WWOX: variants seen among roughly 807,000 people sequenced by gnomAD.
The protein encoded by WWOX is WW domain containing oxidoreductase, also known as WW domain-containing oxidoreductase.
WWOX carries 69 observed loss-of-function variants against 46.2 expected under a neutral mutation model. The observed-to-expected ratio is 1.49, with a 90% CI of 1.23 to 1.82. The LOEUF is 1.82. Among genes scored for constraint, WWOX ranks in the 40% most tolerant of loss-of-function variants. The pLI, the probability that WWOX is intolerant of heterozygous loss-of-function variation, is 0.00. For synonymous variants in WWOX, 359 were observed against 202.6 expected, an observed-to-expected ratio of 1.77 and a Z score of -6.56; for missense variants, 919 against 542.6, an observed-to-expected ratio of 1.69 and a Z score of -6.89.
intron 8 of WWOX, chr16:79,106,111 T>G (rs112025494): frequency 4.6e-5 from 7 of 152,330 alleles, no homozygotes; most frequent in African/African-American, 1.4e-4. Flanking sequence ...GGGAATTTGT[T>G]AGAAATGGAA....
At chr16:78,807,280 A>G (rs964604335) in intron 8 of WWOX, among the ~76,000 whole-genome samples, 2 of 152,222 alleles carry the variant, frequency 1.3e-5, no homozygotes, top group African/African-American at 4.8e-5. Context: ...CAGATTAACA[A>G]CATCTCATAC....
intron 8 of WWOX, among the ~76,000 whole-genome samples, chr16:78,967,398 C>G (rs1403811698): frequency 1.3e-5 from 2 of 149,870 alleles, no homozygotes; most frequent in Non-Finnish European, 3.0e-5. Context: ...TTCCACCCAC[C>G]TCAGCCTCCT....
Position 79,134,228 on chromosome 16 carries a change from A to G in WWOX, c.1057-77380A>G, listed in dbSNP as rs538030250. Among the ~76,000 whole-genome samples, 3 of 152,270 alleles carry G rather than the reference A, an allele frequency of 2.0e-5. No homozygotes were observed. In the East Asian group the frequency reaches 5.8e-4, roughly 29 times the overall value. ...GGAAAAAGAAAGAATCCAATTTGTT[A>G]TAAATAACTGCTGAGGGCAGTACAT... On this transcript the variant is annotated intron_variant, in intron 8 of 8. Transcript: ENST00000566780.
chr16:79,018,031 C>T lies in WWOX; in HGVS notation c.1057-193577C>T, dbSNP rs189153902. Among the ~76,000 whole-genome samples the T allele has an allele frequency of 2.1e-3, 319 of 152,330 alleles. 4 individuals are homozygous for T. Among genetic ancestry groups the T allele is most frequent in the Non-Finnish European group, 7.9e-4 (54 of 68,036 alleles). ...GGCTAAAGATTTGGCTTGGAGTTTC[C>T]TGGTAGTCAAGGCAAAAAAGGGAAA... is the stretch of plus-strand genomic sequence containing the variant. On this transcript the variant is annotated intron_variant, in intron 8 of 8. Coordinates refer to ENST00000566780, the MANE Select transcript of WWOX (RefSeq NM_016373.4).
chr16:79,105,573 TA>T (rs1009127704), intron 8 of WWOX, among the ~76,000 whole-genome samples: 5 of 152,080 alleles, frequency 3.3e-5, no homozygotes. Flanking sequence ...TTTGCTTTTA[TA>T]AAAAAAGTCA....
intron 8 of WWOX, among the ~76,000 whole-genome samples, chr16:78,865,516 A>G (rs1375391578): frequency 6.6e-6 from 1 of 152,190 alleles, no homozygotes; most frequent in Admixed American, 6.5e-5. Flanking sequence ...CAAAATAGCA[A>G]TACAAATTTA....
At chr16:79,145,310 A>G (rs2050164608) in intron 8 of WWOX, among the ~76,000 whole-genome samples, 1 of 152,170 alleles carries the variant, frequency 6.6e-6, no homozygotes, top group Admixed American at 6.6e-5. Flanking sequence ...AAACAGCAAT[A>G]CTTGTAACTA....
chr16:79,135,614 T>C (rs1815264788), intron 8 of WWOX, among the ~76,000 whole-genome samples: 1 of 152,216 alleles, frequency 6.6e-6, no homozygotes, highest in South Asian at 2.1e-4. Flanking sequence ...TGTGGACCAA[T>C]GAGATGTACT....
At chr16:78,844,100 G>T (rs1463752676) in intron 8 of WWOX, among the ~76,000 whole-genome samples, 2 of 152,120 alleles carry the variant, frequency 1.3e-5, no homozygotes, top group Non-Finnish European at 2.9e-5. Flanking sequence ...AGGTGACGCT[G>T]GGTGCCTTGT....
intron 8 of WWOX, among the ~76,000 whole-genome samples, chr16:78,739,964 T>C (rs2049176813): frequency 6.6e-6 from 1 of 152,126 alleles, no homozygotes; most frequent in Non-Finnish European, 1.5e-5. Context: ...ACTTACTCTC[T>C]CTAAATTATC....
intron 5 of WWOX, among the ~76,000 whole-genome samples, chr16:78,171,544 T>G (rs964867035): frequency 2.8e-4 from 43 of 152,210 alleles, no homozygotes; most frequent in African/African-American, 9.9e-4. Flanking sequence ...TGACTTGGCT[T>G]GGAAAAGATG....
intron 3 of WWOX, 101 bp downstream of exon 3, chr16:78,109,936 T>A: frequency 8.1e-7 from 1 of 1,232,244 alleles, no homozygotes. Context: ...ATACAAAGTA[T>A]AACAGTGTGT....
intron 5 of WWOX, among the ~76,000 whole-genome samples, chr16:78,220,847 C>T (rs896837573): frequency 9.2e-5 from 14 of 152,138 alleles, no homozygotes; most frequent in African/African-American, 2.9e-4. Flanking sequence ...ATCATTTCTT[C>T]TGTTACCTGG....
intron 8 of WWOX, among the ~76,000 whole-genome samples, chr16:78,505,272 A>T (rs1300379957): frequency 6.6e-6 from 1 of 152,190 alleles, no homozygotes; most frequent in Non-Finnish European, 1.5e-5. Flanking sequence ...TTTTCTGTTT[A>T]TATTATTTCA....
chr16:78,236,714 A>T (rs9931632), intron 5 of WWOX, among the ~76,000 whole-genome samples: 18,221 of 152,060 alleles, frequency 0.12, 1,198 homozygotes, highest in South Asian at 0.24. Flanking sequence ...CATGTGCTGA[A>T]ATCCACAGTG....
At chr16:79,025,220 G>A (rs2047614400) in intron 8 of WWOX, among the ~76,000 whole-genome samples, 1 of 152,192 alleles carries the variant, frequency 6.6e-6, no homozygotes, top group African/African-American at 2.4e-5. Flanking sequence ...GCTGGGGCAG[G>A]GAGATTAGCT....
chr16:78,151,973 G>C (rs1186380792), intron 4 of WWOX, among the ~76,000 whole-genome samples: 1 of 152,092 alleles, frequency 6.6e-6, no homozygotes, highest in East Asian at 1.9e-4. Flanking sequence ...GGCAGATCAC[G>C]AGGTCAGGAG....
chr16:78,108,538 G>C (rs775424722), intron 2 of WWOX, 51 bp downstream of exon 2: 2 of 1,599,950 alleles, frequency 1.3e-6, no homozygotes, highest in South Asian at 1.1e-5. Flanking sequence ...AAGTAGATGA[G>C]GAAATGTCAC....
At chr16:78,964,363 G>T (rs946586125) in intron 8 of WWOX, among the ~76,000 whole-genome samples, 1 of 152,192 alleles carries the variant, frequency 6.6e-6, no homozygotes, top group Non-Finnish European at 1.5e-5. Context: ...TGAGGAGCTC[G>T]TTGGGAATTG....
Sources: allele counts gnomAD v4.1 joint callset (sites outside exome capture counted in the v4.1 genomes callset), GRCh38; gene constraint gnomAD v4.1.1; transcripts MANE v1.5; gene names NCBI Gene and HGNC (gene_info 2026-07-23, HGNC 2026-07-21).